The following NCKIPSD variants were observed in gnomAD, a reference collection of about 807,000 sequenced individuals.
The protein encoded by NCKIPSD is NCK-interacting protein with SH3 domain.
Under a neutral mutation model 73.4 loss-of-function variants are expected in NCKIPSD, and 48 were observed. That is an observed-to-expected ratio of 0.65 (90% CI 0.52 to 0.83). The LOEUF is 0.83. Among genes scored for constraint, NCKIPSD ranks in the 40% least tolerant of loss-of-function variants. The pLI, the probability that NCKIPSD is intolerant of heterozygous loss-of-function variation, is 0.00. For synonymous variants in NCKIPSD, 422 were observed against 403.6 expected (o/e 1.05, Z -0.54); for missense variants, 884 against 970.2 (o/e 0.91, Z 1.18).
Position 48,674,373 on chromosome 3 carries a change from C to G in NCKIPSD, c.*171G>C. On this transcript the variant is annotated 3_prime_UTR_variant, in exon 13 of 13. Transcript: ENST00000294129. ...CAGAACAGCTCCCAGACCATGGTCC[C>G]CAATCCTACACTTGGCCCCTCTCTT... 2.8e-6 allele frequency: 4 copies of G among 1,444,784 alleles called. No homozygotes were observed. Among genetic ancestry groups the G allele is most frequent in the Middle Eastern group, 2.6e-4 (1 of 3,894 alleles). 89.5% of individuals were successfully genotyped at this position (1,444,784 alleles called of 1,614,324 possible).
At chr3:48,679,923 T>C (rs1183703984) in intron 6 of NCKIPSD, 36 bp from the exon 7 acceptor site, 5 of 1,613,688 alleles carry the variant, frequency 3.1e-6, no homozygotes, top group South Asian at 2.2e-5. Context: ...TCAGCCACCA[T>C]GAGCGGAGCT....
At chr3:48,679,034 C>T (rs1416858036) in intron 10 of NCKIPSD, 21 bp downstream of exon 10, 1 of 1,614,118 alleles carries the variant, frequency 6.2e-7, no homozygotes, top group Non-Finnish European at 8.5e-7. Flanking sequence ...TCAGCCACCG[C>T]CCAGCCAGGC....
At position 48,681,577 on chromosome 3, in the gene NCKIPSD, G is replaced by A. The variant is rs2077353443; in HGVS notation, c.802C>T (p.Pro268Ser). 1 of 1,614,030 alleles carries A rather than the reference G, an allele frequency of 6.2e-7. No homozygotes were observed. ...ACTTCTTCTTCTGCAGGGGGTTCAG[G>A]TGCTGATGCCTTGGAGGGAGGGGGC... ...VQPPPSKASAPEPPAEEEVAT... is the reference protein window; with the variant it reads ...VQPPPSKASASEPPAEEEVAT... Residue 268 changes from proline to serine, a missense_variant, in exon 5 of 13, where the codon CCT becomes TCT. Coordinates refer to ENST00000294129, the MANE Select transcript of NCKIPSD (RefSeq NM_016453.4).
chr3:48,681,198 A>C (rs1006443203), intron 5 of NCKIPSD, 89 bp downstream of exon 5: 11 of 1,483,984 alleles, frequency 7.4e-6, no homozygotes, highest in Non-Finnish European at 9.8e-6. Flanking sequence ...AGAGCTTGAG[A>C]AATACCTGTA....
rs2077214113 is a variant in NCKIPSD, at chr3:48,674,032, T to C, written c.*512A>G. 1 of 1,071,288 alleles carries C rather than the reference T, an allele frequency of 9.3e-7. No homozygotes were observed. The allele number at this position is 1,071,288 out of a possible 1,614,324, so 66.4% of individuals were successfully genotyped here. On this transcript the variant is annotated 3_prime_UTR_variant, in exon 13 of 13. Coordinates refer to ENST00000294129, the MANE Select transcript of NCKIPSD (RefSeq NM_016453.4). ...AAGATCCCGCTTTCAAAGCAGCAGC[T>C]TGGCCAAGGCCTCTGGGGGTAGGAG...
Position 48,674,758 on chromosome 3 carries a change from A to G in NCKIPSD, c.1966-11T>C. On this transcript the variant is annotated splice_polypyrimidine_tract_variant and intron_variant, in intron 12 of 12. Transcript: ENST00000294129. The stretch of plus-strand genomic sequence containing the variant: ...GTACTCCATGCGCAGCTGTGGGAAG[A>G]GCAGGCCAGCTCAGGGACCCCAGGG... 1 of 1,613,134 alleles carries G rather than the reference A, an allele frequency of 6.2e-7. No individual in the cohort carries two copies.
chr3:48,679,316 C>A lies in NCKIPSD; in HGVS notation c.1570+61G>T, dbSNP rs544353397. On this transcript the variant is annotated intron_variant, in intron 9 of 12. Coordinates refer to ENST00000294129, the MANE Select transcript of NCKIPSD (RefSeq NM_016453.4). Reference sequence around the variant, plus strand: ...GCTGTGTAGTCAGCAGGTCCCAGGCCCTCGGGCAATGGGCCCTGGCTTAGG... The same window carrying A: ...GCTGTGTAGTCAGCAGGTCCCAGGCACTCGGGCAATGGGCCCTGGCTTAGG... 1.6e-5 allele frequency: 26 copies of A among 1,613,156 alleles called. No homozygotes were observed. The South Asian group carries it at 2.7e-4, about 17-fold the overall frequency.
At chr3:48,674,988 T>G (rs1052698323) in intron 12 of NCKIPSD, among the ~76,000 whole-genome samples, 3 of 152,142 alleles carry the variant, frequency 2.0e-5, no homozygotes, top group African/African-American at 7.2e-5. Context: ...AGGGAAGTCC[T>G]GCCCATCCTT....
Position 48,674,530 on chromosome 3 carries a change from A to G in NCKIPSD, c.*14T>C. 6.4e-7 allele frequency: 1 copy of G among 1,573,802 alleles called. No homozygotes were observed. The highest frequency in any genetic ancestry group is 1.3e-5 in the African/African-American group (1 of 74,190). On this transcript the variant is annotated 3_prime_UTR_variant, in exon 13 of 13. Transcript: ENST00000294129. Reference sequence around the variant, plus strand: ...CACTGACTGGAGCTGCAGGGAAGGGAGGACAGCAAGGTGCTAGCTGGGAGC... The same window carrying G: ...CACTGACTGGAGCTGCAGGGAAGGGGGGACAGCAAGGTGCTAGCTGGGAGC...
At position 48,673,952 on chromosome 3, in the gene NCKIPSD, T is replaced by G; in HGVS notation, c.*592A>C. 1 of 1,065,892 alleles carries G rather than the reference T, an allele frequency of 9.4e-7. No homozygotes were observed. The allele number at this position is 1,065,892 out of a possible 1,614,324, so 66.0% of individuals were successfully genotyped here. On this transcript the variant is annotated 3_prime_UTR_variant, in exon 13 of 13. Coordinates refer to ENST00000294129, the MANE Select transcript of NCKIPSD (RefSeq NM_016453.4). ...AGAGAAAAGAGATTCGGTCATTGGCTTTCTCAGTGCCATCATCCTGTTCCA... is the reference window on the plus strand; with the variant it reads ...AGAGAAAAGAGATTCGGTCATTGGCGTTCTCAGTGCCATCATCCTGTTCCA...
At position 48,682,981 on chromosome 3, in the gene NCKIPSD, T is replaced by C. The variant is rs1318583921; in HGVS notation, c.203A>G (p.Asp68Gly). 6.4e-7 allele frequency: 1 copy of C among 1,551,110 alleles called. No individual in the cohort carries two copies. The highest frequency in any genetic ancestry group is 8.7e-7 in the Non-Finnish European group (1 of 1,147,446). ...GLEQDVLQAIDRAIEAVHNTA... is the reference protein window; with the variant it reads ...GLEQDVLQAIGRAIEAVHNTA... ...GTTGTGTACAGCCTCGATGGCCCGGTCAATGGCCTGGAGGACATCCTGCTC... is the reference window on the plus strand; with the variant it reads ...GTTGTGTACAGCCTCGATGGCCCGGCCAATGGCCTGGAGGACATCCTGCTC... Residue 68 changes from aspartate (D) to glycine (G), a missense_variant, in exon 2 of 13, where the codon GAC becomes GGC. Transcript: ENST00000294129.
Position 48,682,542 on chromosome 3 carries a change from G to A in NCKIPSD, c.292C>T (p.His98Tyr), listed in dbSNP as rs2077372428. ...CGTGACAGGGTCTCTTTCCGGTGGT[G>A]GATCAGCTTCCTGATGGAAGGACAG... is the stretch of plus-strand genomic sequence containing the variant. ...EQRGVLQKLI[H>Y]HRKETLSRRG... The change falls in exon 3 of 13, where the codon CAC (histidine) becomes TAC (tyrosine). Residue 98 changes from histidine to tyrosine, a missense_variant. Transcript: ENST00000294129. The A allele has an allele frequency of 6.2e-7, 1 of 1,613,802 alleles. No individual in the cohort carries two copies. The highest frequency in any genetic ancestry group is 8.5e-7 in the Non-Finnish European group (1 of 1,179,916).
chr3:48,675,191 C>T (rs1482993898), intron 12 of NCKIPSD, among the ~76,000 whole-genome samples: 1 of 152,084 alleles, frequency 6.6e-6, no homozygotes, highest in East Asian at 1.9e-4. Context: ...ACATCTCCTG[C>T]ACATGTGACA....
intron 9 of NCKIPSD, 59 bp from the exon 10 acceptor site, chr3:48,679,242 C>T: frequency 1.2e-6 from 2 of 1,610,662 alleles, no homozygotes; most frequent in Non-Finnish European, 1.7e-6. Flanking sequence ...CCGCACCACC[C>T]ACCCTTCCTG....
intron 12 of NCKIPSD, among the ~76,000 whole-genome samples, chr3:48,676,300 GT>G (rs1161150747): frequency 6.6e-6 from 1 of 152,058 alleles, no homozygotes; most frequent in African/African-American, 2.4e-5. Context: ...CATCTCACCT[GT>G]CCCTACCAGA....
intron 3 of NCKIPSD, 45 bp downstream of exon 3, chr3:48,682,303 C>T (rs1329709766): frequency 8.1e-6 from 13 of 1,607,694 alleles, no homozygotes; most frequent in Non-Finnish European, 1.1e-5. Context: ...GATGAAGCCT[C>T]AAGTTCCACC....
chr3:48,684,958 G>T (rs1300211804), intron 1 of NCKIPSD, among the ~76,000 whole-genome samples: 1 of 151,944 alleles, frequency 6.6e-6, no homozygotes, highest in South Asian at 2.1e-4. Context: ...TTCAAATAAG[G>T]TTGGTAGAGA....
At position 48,683,180 on chromosome 3, in the gene NCKIPSD, G is replaced by A; in HGVS notation, c.172-168C>T. ...GAATATGGAATGGGGTTCTCAAACT[G>A]TATCACTCAGGGAGCTGAGGCACAG... On this transcript the variant is annotated intron_variant, in intron 1 of 12. Transcript: ENST00000294129. 3 of 1,270,628 alleles carry A rather than the reference G, an allele frequency of 2.4e-6. No homozygotes were observed. The South Asian group carries it at 4.2e-5, about 18-fold the overall frequency. 78.7% of individuals were successfully genotyped at this position (1,270,628 alleles called of 1,614,324 possible).
In NCKIPSD at chr3:48,674,728, G is replaced by C. The variant is rs374512454; in HGVS notation, c.1985C>G (p.Ser662Cys). The C allele has an allele frequency of 2.5e-6, 4 of 1,613,860 alleles. No individual in the cohort carries two copies. Among genetic ancestry groups the C allele is most frequent in the Non-Finnish European group, 2.5e-6 (3 of 1,179,974 alleles). Residue 662 changes from serine (S) to cysteine (C), a missense_variant, in exon 13 of 13, where the codon TCC becomes TGC. By Grantham distance (112) the Ser-to-Cys change is moderately radical. Transcript: ENST00000294129. Reference sequence around the variant, plus strand: ...GGTGCGGACTATAGCATGCATCAGGGAGAGGTACTCCATGCGCAGCTGTGG... The same window carrying C: ...GGTGCGGACTATAGCATGCATCAGGCAGAGGTACTCCATGCGCAGCTGTGG... ...PGDKLRMEYL[S>C]LMHAIVRTTP...
Sources: allele counts gnomAD v4.1 joint callset (sites outside exome capture counted in the v4.1 genomes callset), GRCh38; gene constraint gnomAD v4.1.1; transcripts MANE v1.5; gene names NCBI Gene and HGNC (gene_info 2026-07-23, HGNC 2026-07-21).